The following ADCY5 variants were observed in gnomAD, a reference collection of about 807,000 sequenced individuals.
ADCY5 encodes adenylate cyclase 5.
In ADCY5, 30 loss-of-function variants were observed where a neutral mutation model predicts 119.7. The ratio of observed to expected loss-of-function variants is 0.25; its 90% CI spans 0.19 to 0.34. ADCY5 has a LOEUF of 0.34. Among genes scored for constraint, ADCY5 ranks in the 10% least tolerant of loss-of-function variants. The pLI is 1.00. For synonymous variants in ADCY5, 753 were observed against 762.2 expected (o/e 0.99, Z 0.20); for missense variants, 1,324 against 1,775.2 (o/e 0.75, Z 4.57).
intron 1 of ADCY5, among the ~76,000 whole-genome samples, chr3:123,395,714 C>CA (rs199742620): frequency 3.2e-4 from 47 of 146,138 alleles, no homozygotes; most frequent in South Asian, 8.7e-4. Flanking sequence ...CCCGTCTCTA[C>CA]AAAAAAAAAA....
chr3:123,347,787 G>A lies in ADCY5; in HGVS notation c.1401C>T (p.Asn467=), dbSNP rs767379516. 2.0e-5 allele frequency: 33 copies of A among 1,613,672 alleles called. No homozygotes were observed. The highest frequency in any genetic ancestry group is 1.7e-4 in the Admixed American group (10 of 59,982). The change falls in exon 3 of 21, where the codon AAC becomes AAT. Residue 467 remains asparagine (N), a synonymous_variant. Coordinates refer to ENST00000462833, the MANE Select transcript of ADCY5 (RefSeq NM_183357.3). The part of the protein sequence containing the change: ...FHKIYIQKHD[N]VSILFADIEG... The stretch of plus-strand genomic sequence containing the variant: ...TCCCCCAGCTTCACCCCTACCTCAC[G>A]TTGTCATGTTTCTGGATGTAAATCT...
rs990768584 is a variant in ADCY5, at chr3:123,282,562, C to T, written c.*2046G>A. The T allele has an allele frequency of 2.6e-5, 4 of 152,224 alleles. No individual in the cohort carries two copies. The highest frequency in any genetic ancestry group is 1.9e-4 in the East Asian group (1 of 5,182). 9.4% of individuals were successfully genotyped at this position (152,224 alleles called of 1,614,324 possible). On this transcript the variant is annotated 3_prime_UTR_variant, in exon 21 of 21. Transcript: ENST00000462833. ...CACTTTACTCAGGTTGGAAGCAGAA[C>T]GAAAACCCAACACCACTGGCGGGCG...
rs952736672 is a variant in ADCY5, at chr3:123,302,415, C to T, written c.2724+640G>A. ...AGATGATGATGATGGCTGTACACAT[C>T]GGTGAACACACTAAAAGCTACTGAA... On this transcript the variant is annotated intron_variant, in intron 14 of 20. Coordinates refer to ENST00000462833, the MANE Select transcript of ADCY5 (RefSeq NM_183357.3). Among the ~76,000 whole-genome samples, 3 of 152,294 alleles carry T rather than the reference C, an allele frequency of 2.0e-5. No individual in the cohort carries two copies. In the South Asian group the frequency reaches 6.2e-4, roughly 32 times the overall value.
chr3:123,396,447 A>AAGGG (rs1944568880), intron 1 of ADCY5, among the ~76,000 whole-genome samples: 1 of 130,694 alleles, frequency 7.7e-6, no homozygotes, highest in African/African-American at 2.9e-5. Context: ...GAAAGGAAGG[A>AAGGG]AGGGAGGGAA....
intron 12 of ADCY5, among the ~76,000 whole-genome samples, chr3:123,311,052 T>C (rs760633803): frequency 1.1e-4 from 17 of 152,252 alleles, no homozygotes; most frequent in Non-Finnish European, 2.9e-5. Flanking sequence ...GGTTAAAATA[T>C]GGACAGTTCA....
At chr3:123,347,481 T>A (rs540709785) in intron 3 of ADCY5, among the ~76,000 whole-genome samples, 9 of 152,254 alleles carry the variant, frequency 5.9e-5, no homozygotes, top group Admixed American at 3.9e-4. Flanking sequence ...CTTGGTAGGC[T>A]AGGAGCTCCT....
At position 123,326,305 on chromosome 3, in the gene ADCY5, C is replaced by CT. The variant is rs1941480117; in HGVS notation, c.1948-844dup. On this transcript the variant is annotated intron_variant, in intron 7 of 20. Coordinates refer to ENST00000462833, the MANE Select transcript of ADCY5 (RefSeq NM_183357.3). ...ACTCCCCAGGATCTCATCTATCTGT[C>CT]TGTCTGTCTATCCATCCAAATGGGT... 3.9e-5 allele frequency among the ~76,000 whole-genome samples: 6 copies of CT among 152,338 alleles called. 1 individual carries two copies. The South Asian group carries it at 1.2e-3, about 32-fold the overall frequency.
intron 6 of ADCY5, 113 bp downstream of exon 6, chr3:123,328,531 C>T (rs1020346787): frequency 3.8e-6 from 5 of 1,299,360 alleles, no homozygotes; most frequent in Non-Finnish European, 5.4e-6. Context: ...GTGCTTGCTG[C>T]CCATCCTGCC....
chr3:123,407,096 C>T (rs1340134815), intron 1 of ADCY5, among the ~76,000 whole-genome samples: 2 of 152,096 alleles, frequency 1.3e-5, no homozygotes, highest in Non-Finnish European at 2.9e-5. Context: ...AACGTGATAC[C>T]CCCTCAGCTG....
At chr3:123,412,563 C>T (rs894504172) in intron 1 of ADCY5, among the ~76,000 whole-genome samples, 2 of 151,996 alleles carry the variant, frequency 1.3e-5, no homozygotes, top group Non-Finnish European at 2.9e-5. Context: ...AGATAGAGCT[C>T]GGAAAGGCTA....
At chr3:123,332,139 C>T (rs901791447) in intron 4 of ADCY5, among the ~76,000 whole-genome samples, 3 of 152,242 alleles carry the variant, frequency 2.0e-5, no homozygotes, top group African/African-American at 7.2e-5. Context: ...CAGCCGCCTG[C>T]AGGCCAGCTG....
At chr3:123,301,362 A>T (rs966573716) in intron 14 of ADCY5, among the ~76,000 whole-genome samples, 1 of 151,996 alleles carries the variant, frequency 6.6e-6, no homozygotes, top group Non-Finnish European at 1.5e-5. Context: ...TTGTGGGGGG[A>T]AGCCTCACAT....
rs563757244 is a variant in ADCY5, at chr3:123,308,766, T to G, written c.2443-4583A>C. ...ATGGCGTGAACCCGGGAGGCGGAGC[T>G]TGCAGTGAGCCGAGATCGTGCCACT... is the stretch of plus-strand genomic sequence containing the variant. On this transcript the variant is annotated intron_variant, in intron 12 of 20. Transcript: ENST00000462833. Among the ~76,000 whole-genome samples the G allele has an allele frequency of 3.3e-5, 5 of 152,270 alleles. No individual in the cohort carries two copies. The South Asian group carries it at 1.0e-3, about 32-fold the overall frequency.
chr3:123,340,842 A>G (rs1273419615), intron 3 of ADCY5, among the ~76,000 whole-genome samples: 1 of 152,156 alleles, frequency 6.6e-6, no homozygotes, highest in African/African-American at 2.4e-5. Flanking sequence ...CTGAAAGCAC[A>G]GGCCAGGCAT....
chr3:123,375,081 A>T (rs969273328), intron 1 of ADCY5, among the ~76,000 whole-genome samples: 2 of 152,142 alleles, frequency 1.3e-5, no homozygotes, highest in Admixed American at 1.3e-4. Flanking sequence ...CAGCCCCTTC[A>T]CAGGCCCCAT....
At position 123,309,686 on chromosome 3, in the gene ADCY5, C is replaced by T. The variant is rs1037460145; in HGVS notation, c.2442+4549G>A. ...AGAACCTACAATATGCCTCCTGGAA[C>T]GAAGACCTCTCCATCTCCTAAATGA... On this transcript the variant is annotated intron_variant, in intron 12 of 20. Coordinates refer to ENST00000462833, the MANE Select transcript of ADCY5 (RefSeq NM_183357.3). Among the ~76,000 whole-genome samples the T allele has an allele frequency of 1.4e-4, 21 of 152,084 alleles. 1 individual carries two copies. The highest frequency in any genetic ancestry group is 5.1e-4 in the African/African-American group (21 of 41,408).
intron 1 of ADCY5, among the ~76,000 whole-genome samples, chr3:123,381,234 G>A (rs930476807): frequency 4.6e-5 from 7 of 152,160 alleles, no homozygotes; most frequent in African/African-American, 1.7e-4. Flanking sequence ...TTTTATCAGA[G>A]CCAAGAGGTC....
intron 1 of ADCY5, among the ~76,000 whole-genome samples, chr3:123,381,325 G>C (rs1944023071): frequency 6.6e-6 from 1 of 152,202 alleles, no homozygotes; most frequent in Admixed American, 6.5e-5. Flanking sequence ...TCTCCTGGAA[G>C]TCTTTACCTG....
At chr3:123,294,488 C>A (rs953522504) in intron 17 of ADCY5, among the ~76,000 whole-genome samples, 2 of 152,208 alleles carry the variant, frequency 1.3e-5, no homozygotes, top group Admixed American at 1.3e-4. Flanking sequence ...TGGGTCAACA[C>A]GGTGGAGTCT....
Sources: gnomAD v4.1 joint callset for allele counts (sites outside exome capture counted in the v4.1 genomes callset) on GRCh38, gnomAD v4.1.1 for gene constraint, MANE v1.5 for transcripts, NCBI Gene and HGNC (gene_info 2026-07-23, HGNC 2026-07-21) for gene names.